The following SH3GL1 variants were observed in gnomAD, a reference collection of about 807,000 sequenced individuals.
The protein encoded by SH3GL1 is SH3 domain containing GRB2 like 1, endophilin A2, also known as endophilin-A2.
Under a neutral mutation model 48.8 loss-of-function variants are expected in SH3GL1, and 21 were observed. The observed-to-expected ratio is 0.43, with a 90% CI of 0.30 to 0.62. The LOEUF is 0.62. SH3GL1 is among the 20% of genes least tolerant of loss of function. SH3GL1 has a pLI of 0.11. For missense variants in SH3GL1, 454 were observed against 503.0 expected (o/e 0.90, Z 0.93); for synonymous variants, 282 against 217.5 (o/e 1.30, Z -2.61).
At chr19:4,382,919 A>G (rs547015542) in intron 1 of SH3GL1, among the ~76,000 whole-genome samples, 125 of 151,908 alleles carry the variant, frequency 8.2e-4, no homozygotes, top group Non-Finnish European at 1.3e-3. Flanking sequence ...AGTTTTGTGT[A>G]TTTCATTTTT....
At chr19:4,370,136 G>T (rs556409372) in intron 1 of SH3GL1, among the ~76,000 whole-genome samples, 1 of 152,248 alleles carries the variant, frequency 6.6e-6, no homozygotes, top group African/African-American at 2.4e-5. Flanking sequence ...TGTCAGGAGC[G>T]AGTGTTCCTA....
chr19:4,363,518 C>T, intron 6 of SH3GL1, 45 bp from the exon 7 acceptor site: 1 of 1,561,992 alleles, frequency 6.4e-7, no homozygotes, highest in Non-Finnish European at 8.8e-7. Context: ...GTGCCACTGT[C>T]CTGTGCCTTC....
At chr19:4,368,541 C>G (rs934119100) in intron 1 of SH3GL1, among the ~76,000 whole-genome samples, 1 of 152,232 alleles carries the variant, frequency 6.6e-6, no homozygotes, top group Non-Finnish European at 1.5e-5. Context: ...CAAAAAGACA[C>G]CAGCCCCTTT....
At chr19:4,369,219 G>A (rs1972846368) in intron 1 of SH3GL1, among the ~76,000 whole-genome samples, 1 of 152,200 alleles carries the variant, frequency 6.6e-6, no homozygotes, top group Non-Finnish European at 1.5e-5. Context: ...TAGGAGGAAG[G>A]AGCCCCCCCT....
Position 4,366,514 on chromosome 19 carries a change from C to T in SH3GL1, c.174G>A (p.Leu58=), listed in dbSNP as rs73918206. The T allele has an allele frequency of 2.6e-3, 4,167 of 1,610,574 alleles. 99 individuals carry two copies. In the African/African-American group the frequency reaches 0.049, roughly 19 times the overall value. ...TGGAGCACCCACCTGGGTTGGGCTG[C>T]AGGTACTCGATGGTCCTGGCCAGCA... ...TEVLARTIEY[L]QPNPASRAKL... The change falls in exon 3 of 10, where the codon CTG becomes CTA. Residue 58 remains leucine, a synonymous_variant. Transcript: ENST00000269886.
chr19:4,365,409 T>A, intron 4 of SH3GL1, 73 bp downstream of exon 4: 1 of 1,583,344 alleles, frequency 6.3e-7, no homozygotes, highest in Non-Finnish European at 8.7e-7. Context: ...ATGCAGGGCC[T>A]GGACCTGCCC....
chr19:4,400,457 C>A lies in SH3GL1; in HGVS notation c.-89G>T. On this transcript the variant is annotated 5_prime_UTR_variant, in exon 1 of 10. Transcript: ENST00000269886. This position sits in a 1 kb window ranked among gnomAD's most constrained non-coding sequence, Gnocchi z 4.1. ...GACCCTCTGCGCGCCTCAGCAGTCC[C>A]CGTCGGCGCCGCCTCCGCCACCCGC... 8.6e-7 allele frequency: 1 copy of A among 1,156,878 alleles called. No homozygotes were observed. Among genetic ancestry groups the A allele is most frequent in the Non-Finnish European group, 1.1e-6 (1 of 924,108 alleles). 71.7% of individuals were successfully genotyped at this position (1,156,878 alleles called of 1,614,324 possible). A position where few individuals can be genotyped will look rare whatever the true frequency, so the allele number is the denominator to read the frequency against.
intron 1 of SH3GL1, among the ~76,000 whole-genome samples, chr19:4,398,465 C>G (rs1227818204): frequency 6.6e-6 from 1 of 151,936 alleles, no homozygotes; most frequent in East Asian, 1.9e-4. Context: ...TCACTGCAAC[C>G]TCTGCCTGCC....
At chr19:4,392,571 A>ACAC (rs1568422062) in intron 1 of SH3GL1, among the ~76,000 whole-genome samples, 5 of 142,278 alleles carry the variant, frequency 3.5e-5, no homozygotes, top group African/African-American at 1.3e-4. Flanking sequence ...CACACACACA[A>ACAC]AAGATCATTC....
intron 1 of SH3GL1, among the ~76,000 whole-genome samples, chr19:4,387,136 C>G (rs775457673): frequency 1.2e-4 from 19 of 152,016 alleles, no homozygotes; most frequent in Non-Finnish European, 2.6e-4. Flanking sequence ...CACGGTTTCA[C>G]CGTGTTAGCC....
rs1326296999 is a variant in SH3GL1, at chr19:4,376,385, C to T, written c.46-9391G>A. Among the ~76,000 whole-genome samples, 1 of 152,178 alleles carries T rather than the reference C, an allele frequency of 6.6e-6. No individual in the cohort carries two copies. Among genetic ancestry groups the T allele is most frequent in the African/African-American group, 2.4e-5 (1 of 41,444 alleles). On this transcript the variant is annotated intron_variant, in intron 1 of 9. Transcript: ENST00000269886. This position sits in a 1 kb window ranked among gnomAD's most constrained non-coding sequence, Gnocchi z 4.3. ...GCCCACCGTGCATTCTGTAGAGAACCTCAGCGCCCTCCTCCCTGCCGGCAG... is the reference window on the plus strand; with the variant it reads ...GCCCACCGTGCATTCTGTAGAGAACTTCAGCGCCCTCCTCCCTGCCGGCAG...
intron 1 of SH3GL1, among the ~76,000 whole-genome samples, chr19:4,387,914 C>CACTT (rs2144913855): frequency 6.6e-6 from 1 of 152,166 alleles, no homozygotes; most frequent in African/African-American, 2.4e-5. Flanking sequence ...GGCTGGAGTG[C>CACTT]ACTGGCGCGA....
chr19:4,397,009 C>A lies in SH3GL1; in HGVS notation c.45+3315G>T, dbSNP rs1973437805. Reference sequence around the variant, plus strand: ...ATACTGCCTGCTCACATGGTGAGAACTCAATAAATGTTTGTATCACTACGT... The same window carrying A: ...ATACTGCCTGCTCACATGGTGAGAAATCAATAAATGTTTGTATCACTACGT... On this transcript the variant is annotated intron_variant, in intron 1 of 9. Coordinates refer to ENST00000269886, the MANE Select transcript of SH3GL1 (RefSeq NM_003025.4). Among the ~76,000 whole-genome samples, 5 of 152,268 alleles carry A rather than the reference C, an allele frequency of 3.3e-5. No homozygotes were observed. In the South Asian group the frequency reaches 1.0e-3, roughly 32 times the overall value.
chr19:4,362,452 G>C (rs544100874), intron 8 of SH3GL1, 67 bp from the exon 9 acceptor site: 2 of 1,575,212 alleles, frequency 1.3e-6, no homozygotes, highest in East Asian at 4.7e-5. Flanking sequence ...TCTGCAGAAG[G>C]CTGGGGCCAG....
At chr19:4,369,856 G>C (rs1190276005) in intron 1 of SH3GL1, among the ~76,000 whole-genome samples, 1 of 152,262 alleles carries the variant, frequency 6.6e-6, no homozygotes, top group East Asian at 1.9e-4. Flanking sequence ...AACCCTGTAA[G>C]GCCCCTTCTC....
chr19:4,364,274 T>G, intron 4 of SH3GL1, 53 bp from the exon 5 acceptor site: 1 of 1,608,270 alleles, frequency 6.2e-7, no homozygotes, highest in Non-Finnish European at 8.5e-7. Context: ...ACCACTAGAC[T>G]GAGACACTCC....
rs1344990777 is a variant in SH3GL1, at chr19:4,364,324, C to T, written c.332-103G>A. On this transcript the variant is annotated intron_variant, in intron 4 of 9. Coordinates refer to ENST00000269886, the MANE Select transcript of SH3GL1 (RefSeq NM_003025.4). ...TGAAATAGCGTTTCACAGGCTGGAA[C>T]GCAGTGGCGCTGTACCAGCTCACTG... 4.5e-5 allele frequency: 66 copies of T among 1,453,408 alleles called. No individual in the cohort carries two copies. In the South Asian group the frequency reaches 4.6e-4, roughly 10 times the overall value. The allele number at this position is 1,453,408 out of a possible 1,614,324, so 90.0% of individuals were successfully genotyped here. A position where few individuals can be genotyped will look rare whatever the true frequency, so the allele number is the denominator to read the frequency against.
rs567633124 is a variant in SH3GL1 at position 4,363,150 on chromosome 19, G to A, written c.728+220C>T. On this transcript the variant is annotated intron_variant, in intron 7 of 9. Coordinates refer to ENST00000269886, the MANE Select transcript of SH3GL1 (RefSeq NM_003025.4). Reference sequence around the variant, plus strand: ...ACGTGCAGCCAGGGAGGGAGTCCCCGGGGCCTGCATCGGGGCAGGGCTGGG... The same window carrying A: ...ACGTGCAGCCAGGGAGGGAGTCCCCAGGGCCTGCATCGGGGCAGGGCTGGG... 2.3e-3 allele frequency among the ~76,000 whole-genome samples: 355 copies of A among 152,280 alleles called. 2 individuals carry two copies. Among genetic ancestry groups the A allele is most frequent in the African/African-American group, 8.1e-3 (336 of 41,552 alleles).
chr19:4,365,580 C>T lies in SH3GL1; in HGVS notation c.233G>A (p.Arg78Gln). The change falls in exon 4 of 10, where the codon CGG becomes CAG. Residue 78 changes from arginine (R) to glutamine (Q), a missense_variant. This residue lies in a region of SH3GL1 where 176 missense variants were observed against 256.2 expected (regional missense o/e 0.69). Coordinates refer to ENST00000269886, the MANE Select transcript of SH3GL1 (RefSeq NM_003025.4). ...LTMLNTVSKI[R>Q]GQVKNPGYPQ... Reference sequence around the variant, plus strand: ...GTAGCCGGGGTTCTTCACCTGGCCCCGGATCTTGGACACCGTGTTGAGCAT... The same window carrying T: ...GTAGCCGGGGTTCTTCACCTGGCCCTGGATCTTGGACACCGTGTTGAGCAT... The T allele has an allele frequency of 1.9e-6, 3 of 1,614,100 alleles. No individual in the cohort carries two copies. Among genetic ancestry groups the T allele is most frequent in the Non-Finnish European group, 2.5e-6 (3 of 1,180,032 alleles).
Sources: gnomAD v4.1 joint callset for allele counts (sites outside exome capture counted in the v4.1 genomes callset) on GRCh38, gnomAD v4.1.1 for gene constraint, gnomAD v4.1.1 regional missense constraint, Gnocchi (gnomAD v3.1) non-coding constraint, MANE v1.5 for transcripts, NCBI Gene and HGNC (gene_info 2026-07-23, HGNC 2026-07-21) for gene names.